ZMIZ1: variants seen among roughly 807,000 people sequenced by gnomAD.
ZMIZ1 encodes zinc finger MIZ-type containing 1, also known as zinc finger MIZ domain-containing protein 1.
ZMIZ1 carries 17 observed loss-of-function variants against 113.9 expected under a neutral mutation model. The ratio of observed to expected loss-of-function variants is 0.15; its 90% CI spans 0.10 to 0.22. ZMIZ1 has a LOEUF of 0.22. ZMIZ1 is among the 10% of genes least tolerant of loss of function. The pLI, the probability that ZMIZ1 is intolerant of heterozygous loss-of-function variation, is 1.00. For missense variants in ZMIZ1, 1,059 were observed against 1,477.8 expected (o/e 0.72, Z 4.65); for synonymous variants, 607 against 603.1 (o/e 1.01, Z -0.09).
intron 6 of ZMIZ1, among the ~76,000 whole-genome samples, chr10:79,211,552 G>A (rs1180807847): frequency 2.0e-5 from 3 of 152,184 alleles, no homozygotes; most frequent in African/African-American, 7.2e-5. Context: ...CTTACTTTGA[G>A]GATATAAATT....
At chr10:79,165,411 C>T (rs1846284012) in intron 4 of ZMIZ1, among the ~76,000 whole-genome samples, 1 of 152,134 alleles carries the variant, frequency 6.6e-6, no homozygotes, top group Non-Finnish European at 1.5e-5. Flanking sequence ...CTCTGGGAGA[C>T]TCAGAGCTTC....
intron 1 of ZMIZ1, among the ~76,000 whole-genome samples, chr10:79,088,900 C>T (rs1217208548): frequency 6.6e-6 from 1 of 152,218 alleles, no homozygotes; most frequent in Non-Finnish European, 1.5e-5. Flanking sequence ...TGTCGCAGCA[C>T]CCCTCTGAAG....
At chr10:79,120,138 T>A (rs564221219) in intron 2 of ZMIZ1, among the ~76,000 whole-genome samples, 17 of 152,292 alleles carry the variant, frequency 1.1e-4, no homozygotes, top group Admixed American at 8.5e-4. Context: ...AGGATGTGCA[T>A]GCACACACAG....
intron 1 of ZMIZ1, among the ~76,000 whole-genome samples, chr10:79,084,624 C>T (rs1215642999): frequency 6.6e-6 from 1 of 152,238 alleles, no homozygotes; most frequent in East Asian, 1.9e-4. Flanking sequence ...GACTGCTTGA[C>T]TGTCTGCTCT....
intron 21 of ZMIZ1, 133 bp downstream of exon 21, chr10:79,305,734 T>G: frequency 1.1e-6 from 1 of 925,646 alleles, no homozygotes; most frequent in South Asian, 1.4e-5. Flanking sequence ...ATCCCCCACC[T>G]CTCTGTCCCT....
At chr10:79,078,948 C>G (rs1842570933) in intron 1 of ZMIZ1, among the ~76,000 whole-genome samples, 1 of 152,180 alleles carries the variant, frequency 6.6e-6, no homozygotes, top group Admixed American at 6.5e-5. Context: ...CATTGCAGCT[C>G]CATCCAGCGG....
chr10:79,200,691 G>A (rs1848037935), intron 4 of ZMIZ1, among the ~76,000 whole-genome samples: 1 of 152,140 alleles, frequency 6.6e-6, no homozygotes, highest in Admixed American at 6.5e-5. Context: ...TCTAGAAAAT[G>A]GGTGTGGTGC....
intron 2 of ZMIZ1, among the ~76,000 whole-genome samples, chr10:79,127,374 G>A (rs980246100): frequency 6.6e-6 from 1 of 152,156 alleles, no homozygotes; most frequent in African/African-American, 2.4e-5. Flanking sequence ...ACAAGTCCCC[G>A]GGATTGCGCA....
chr10:79,195,608 C>T (rs1314148401), intron 4 of ZMIZ1, among the ~76,000 whole-genome samples: 2 of 152,208 alleles, frequency 1.3e-5, no homozygotes, highest in African/African-American at 2.4e-5. Context: ...GCTCTTGTGG[C>T]GAAGGGCGAC....
intron 7 of ZMIZ1, among the ~76,000 whole-genome samples, chr10:79,227,216 C>T (rs1040688013): frequency 6.6e-6 from 1 of 152,186 alleles, no homozygotes; most frequent in African/African-American, 2.4e-5. Flanking sequence ...CAAAGATCAC[C>T]TGAACTGCTT....
At chr10:79,102,853 C>T (rs1041356880) in intron 1 of ZMIZ1, among the ~76,000 whole-genome samples, 1 of 152,226 alleles carries the variant, frequency 6.6e-6, no homozygotes, top group African/African-American at 2.4e-5. Flanking sequence ...GCTGTTCACT[C>T]ACTTGTTCAT....
chr10:79,212,058 C>T (rs543571902), intron 6 of ZMIZ1, among the ~76,000 whole-genome samples: 8 of 152,324 alleles, frequency 5.3e-5, no homozygotes, highest in Admixed American at 1.3e-4. Flanking sequence ...TTGTGACCAG[C>T]AGGCTGGACG....
At chr10:79,080,318 T>A (rs1190895111) in intron 1 of ZMIZ1, among the ~76,000 whole-genome samples, 1 of 148,234 alleles carries the variant, frequency 6.7e-6, no homozygotes, top group African/African-American at 2.5e-5. Flanking sequence ...TTTTTTTTTT[T>A]TTTTTTGAGA....
chr10:79,119,166 A>G (rs1294780736), intron 2 of ZMIZ1, 142 bp downstream of exon 2: 2 of 152,150 alleles, frequency 1.3e-5, no homozygotes, highest in Admixed American at 6.6e-5. Flanking sequence ...CTCAGTCTTT[A>G]TTTGTTCCTT....
At chr10:79,255,451 C>G (rs55797069) in intron 7 of ZMIZ1, among the ~76,000 whole-genome samples, 19,838 of 152,252 alleles carry the variant, frequency 0.13, 1,606 homozygotes, top group East Asian at 0.23. Context: ...ATATCTGTGG[C>G]TTAGTTTCTC....
At chr10:79,247,694 G>A (rs1850292735) in intron 7 of ZMIZ1, among the ~76,000 whole-genome samples, 1 of 152,208 alleles carries the variant, frequency 6.6e-6, no homozygotes, top group South Asian at 2.1e-4. Flanking sequence ...TGTGTACTGG[G>A]TGAATGGAGA....
intron 2 of ZMIZ1, among the ~76,000 whole-genome samples, chr10:79,131,583 C>G (rs1000683638): frequency 4.1e-4 from 62 of 152,116 alleles, no homozygotes; most frequent in Admixed American, 9.8e-4. Flanking sequence ...CCCTGAAAAC[C>G]AGTTGATGAA....
chr10:79,269,772 C>G (rs536245902), intron 7 of ZMIZ1, among the ~76,000 whole-genome samples: 65 of 152,280 alleles, frequency 4.3e-4, no homozygotes, highest in African/African-American at 1.5e-3. Flanking sequence ...CTGGCTCCAT[C>G]AGGAGCGCCT....
At chr10:79,273,650 G>A (rs766739521) in intron 7 of ZMIZ1, among the ~76,000 whole-genome samples, 9 of 152,310 alleles carry the variant, frequency 5.9e-5, no homozygotes, top group Non-Finnish European at 8.8e-5. Context: ...GAGCCATCAC[G>A]CCCAGCCCCT....
Sources: gnomAD v4.1 joint callset for allele counts (sites outside exome capture counted in the v4.1 genomes callset) on GRCh38, gnomAD v4.1.1 for gene constraint, MANE v1.5 for transcripts, NCBI Gene and HGNC (gene_info 2026-07-23, HGNC 2026-07-21) for gene names.